Variants in SLC16A7 observed in about 807,000 individuals in gnomAD.
The protein encoded by SLC16A7 is monocarboxylate transporter 2.
SLC16A7 carries 33 observed loss-of-function variants against 34.9 expected under a neutral mutation model. The observed-to-expected ratio is 0.94, with a 90% CI of 0.72 to 1.26. The LOEUF (loss-of-function observed/expected upper bound fraction) is 1.26. Among genes scored for constraint, SLC16A7 ranks in the 50% most tolerant of loss-of-function variants. SLC16A7 has a pLI of 0.00. For missense variants in SLC16A7, 573 were observed against 578.1 expected (o/e 0.99, Z 0.09); for synonymous variants, 201 against 206.6 (o/e 0.97, Z 0.23).
intron 5 of SLC16A7, among the ~76,000 whole-genome samples, chr12:59,778,176 C>CAA (rs1396624046): frequency 2.0e-5 from 3 of 151,920 alleles, no homozygotes. Context: ...TCTGATGGGC[C>CAA]ATGGACCTAA....
In SLC16A7 at chr12:59,783,388, G is replaced by T. The variant is rs1422703823; in HGVS notation, c.*3709G>T. On this transcript the variant is annotated 3_prime_UTR_variant, in exon 6 of 6. Coordinates refer to ENST00000547379, the MANE Select transcript of SLC16A7 (RefSeq NM_001270623.2). ...TGAGTGAAAACAAAAAACAAGCTCA[G>T]CAGACTACCCAAAGTTAAAAGGTAG... The T allele has an allele frequency of 6.6e-6, 1 of 152,054 alleles. No individual in the cohort carries two copies. Among genetic ancestry groups the T allele is most frequent in the Non-Finnish European group, 1.5e-5 (1 of 68,004 alleles). 9.4% of individuals were successfully genotyped at this position (152,054 alleles called of 1,614,324 possible). A position where few individuals can be genotyped will look rare whatever the true frequency, so the allele number is the denominator to read the frequency against.
In SLC16A7 at chr12:59,783,653, C is replaced by CTTTTTTTT. The variant is rs749009293; in HGVS notation, c.*3982_*3989dup. ...GAATATGTAATTTCTTTCTTTCTTTCTTTTTTTTTTTTTTTGAGACTGAGT... is the reference window on the plus strand; with the variant it reads ...GAATATGTAATTTCTTTCTTTCTTTCTTTTTTTTTTTTTTTTTTTTTTTGAGACTGAGT... On this transcript the variant is annotated 3_prime_UTR_variant, in exon 6 of 6. Coordinates refer to ENST00000547379, the MANE Select transcript of SLC16A7 (RefSeq NM_001270623.2). The CTTTTTTTT allele has an allele frequency of 1.4e-5, 2 of 140,578 alleles. No homozygotes were observed. Among genetic ancestry groups the CTTTTTTTT allele is most frequent in the African/African-American group, 2.6e-5 (1 of 38,600 alleles). 8.7% of individuals were successfully genotyped at this position (140,578 alleles called of 1,614,324 possible). A position where few individuals can be genotyped will look rare whatever the true frequency, so the allele number is the denominator to read the frequency against.
intron 2 of SLC16A7, among the ~76,000 whole-genome samples, chr12:59,663,385 G>A (rs950088349): frequency 7.3e-5 from 11 of 151,664 alleles, no homozygotes; most frequent in Non-Finnish European, 5.9e-5. Flanking sequence ...AGTTGATAAA[G>A]CAAACAATAT....
chr12:59,771,251 G>T lies in SLC16A7; in HGVS notation c.250G>T (p.Gly84Cys). Reference protein sequence around the residue: ...PVSSVLVNKYGSRPVVIAGGL... With the variant: ...PVSSVLVNKYCSRPVVIAGGL... Reference sequence around the variant, plus strand: ...AAGTAGTGTTTTGGTGAATAAATACGGCAGCCGGCCGGTGGTGATAGCAGG... The same window carrying T: ...AAGTAGTGTTTTGGTGAATAAATACTGCAGCCGGCCGGTGGTGATAGCAGG... The change falls in exon 4 of 6, where the codon GGC becomes TGC. Residue 84 changes from glycine to cysteine, a missense_variant. By Grantham distance (159) the Gly-to-Cys change is radical (BLOSUM62 -3). Coordinates refer to ENST00000547379, the MANE Select transcript of SLC16A7 (RefSeq NM_001270623.2). The T allele has an allele frequency of 6.2e-7, 1 of 1,613,142 alleles. No homozygotes were observed. Among genetic ancestry groups the T allele is most frequent in the Non-Finnish European group, 8.5e-7 (1 of 1,179,500 alleles).
chr12:59,770,541 C>T (rs745457506), intron 3 of SLC16A7, among the ~76,000 whole-genome samples: 1 of 152,134 alleles, frequency 6.6e-6, no homozygotes, highest in Non-Finnish European at 1.5e-5. Flanking sequence ...TGTGATTAAG[C>T]ATTGTCCAAT....
At chr12:59,688,508 A>G (rs1871327314) in intron 2 of SLC16A7, among the ~76,000 whole-genome samples, 1 of 152,128 alleles carries the variant, frequency 6.6e-6, no homozygotes, top group Admixed American at 6.6e-5. Flanking sequence ...AAAAGATAGT[A>G]TTATGTGAAA....
intron 3 of SLC16A7, among the ~76,000 whole-genome samples, chr12:59,761,439 T>C (rs1024321734): frequency 2.0e-5 from 3 of 152,014 alleles, no homozygotes; most frequent in Non-Finnish European, 4.4e-5. Context: ...ATACAAAGAG[T>C]ACAGAAAACA....
intron 2 of SLC16A7, among the ~76,000 whole-genome samples, chr12:59,689,875 A>G (rs1458160534): frequency 6.6e-6 from 1 of 151,908 alleles, no homozygotes; most frequent in Non-Finnish European, 1.5e-5. Flanking sequence ...CTTCCCAGCT[A>G]TGCTCTAAGG....
intron 3 of SLC16A7, among the ~76,000 whole-genome samples, chr12:59,712,003 C>T (rs761435398): frequency 1.5e-4 from 23 of 152,180 alleles, no homozygotes; most frequent in Non-Finnish European, 2.6e-4. Context: ...GCCTATTTGC[C>T]ATTTTACCTT....
chr12:59,668,061 A>G (rs1869357060), intron 2 of SLC16A7, among the ~76,000 whole-genome samples: 1 of 152,240 alleles, frequency 6.6e-6, no homozygotes, highest in African/African-American at 2.4e-5. Flanking sequence ...CAGAGGATGT[A>G]TGGAAATGCC....
At chr12:59,629,206 G>A (rs1880070841) in intron 1 of SLC16A7, among the ~76,000 whole-genome samples, 1 of 151,658 alleles carries the variant, frequency 6.6e-6, no homozygotes, top group South Asian at 2.1e-4. Flanking sequence ...CCTTCCAAAG[G>A]CCCCACCTTC....
At chr12:59,614,141 C>G (rs762775079) in intron 1 of SLC16A7, among the ~76,000 whole-genome samples, 2 of 151,658 alleles carry the variant, frequency 1.3e-5, no homozygotes, top group Non-Finnish European at 2.9e-5. Context: ...GCCTTCGCCT[C>G]CTGGGTTCAA....
chr12:59,645,178 G>A (rs1880853430), intron 1 of SLC16A7, among the ~76,000 whole-genome samples: 1 of 152,116 alleles, frequency 6.6e-6, no homozygotes, highest in Non-Finnish European at 1.5e-5. Context: ...TTCTTAATAG[G>A]CACTGACATC....
chr12:59,770,410 G>A (rs1182699499), intron 3 of SLC16A7, among the ~76,000 whole-genome samples: 1 of 152,084 alleles, frequency 6.6e-6, no homozygotes, highest in African/African-American at 2.4e-5. Context: ...CAATCTTTAA[G>A]TTTTGATGTT....
At chr12:59,677,187 A>G (rs982047907) in intron 2 of SLC16A7, among the ~76,000 whole-genome samples, 3 of 152,118 alleles carry the variant, frequency 2.0e-5, no homozygotes, top group Non-Finnish European at 2.9e-5. Context: ...TTTCCTTTCT[A>G]GTAAAAAGAC....
intron 4 of SLC16A7, among the ~76,000 whole-genome samples, chr12:59,774,437 T>C (rs567498509): frequency 6.6e-6 from 1 of 152,316 alleles, no homozygotes; most frequent in Non-Finnish European, 1.5e-5. Context: ...GCTTTAAAAT[T>C]AAAGGAATTA....
chr12:59,786,038 G>T lies in SLC16A7; in HGVS notation c.*6359G>T, dbSNP rs1883593412. The T allele has an allele frequency of 7.7e-6, 1 of 129,824 alleles. No individual in the cohort carries two copies. The highest frequency in any genetic ancestry group is 2.8e-5 in the African/African-American group (1 of 35,312). 8.0% of individuals were successfully genotyped at this position (129,824 alleles called of 1,614,324 possible). On this transcript the variant is annotated 3_prime_UTR_variant, in exon 6 of 6. Transcript: ENST00000547379. Reference sequence around the variant, plus strand: ...CATCACACTCTGGGGACTGTGGTGGGGTCGGGGGAGGGGGGAGGGATAGCA... The same window carrying T: ...CATCACACTCTGGGGACTGTGGTGGTGTCGGGGGAGGGGGGAGGGATAGCA...
rs1479211768 is a variant in SLC16A7, at chr12:59,691,753, T to C, written c.-30-13019T>C. Among the ~76,000 whole-genome samples the C allele has an allele frequency of 3.3e-5, 5 of 152,214 alleles. 1 individual carries two copies. In the Middle Eastern group the frequency reaches 0.01, roughly 311 times the overall value. On this transcript the variant is annotated intron_variant, in intron 2 of 5. Transcript: ENST00000547379. ...CATGTAAATCTGCCTATTCATTTTA[T>C]AGTTATATGATATTAACACTTTTTA...
chr12:59,657,895 A>C (rs747965729), intron 2 of SLC16A7, among the ~76,000 whole-genome samples: 17 of 151,994 alleles, frequency 1.1e-4, no homozygotes, highest in Non-Finnish European at 1.9e-4. Flanking sequence ...ACCCACACAC[A>C]AAGGCCAGTT....
Sources: allele counts gnomAD v4.1 joint callset (sites outside exome capture counted in the v4.1 genomes callset), GRCh38; gene constraint gnomAD v4.1.1; transcripts MANE v1.5; gene names NCBI Gene and HGNC (gene_info 2026-07-23, HGNC 2026-07-21).